KATNA1: variants seen among roughly 807,000 people sequenced by gnomAD.
KATNA1 encodes the protein katanin p60 ATPase-containing subunit A1.
A neutral mutation model predicts 62.6 loss-of-function variants in KATNA1; 42 were observed. The ratio of observed to expected loss-of-function variants is 0.67; its 90% CI spans 0.52 to 0.87. KATNA1 has a LOEUF of 0.87. Ranked by LOEUF, KATNA1 falls within the 40% of genes least tolerant of loss-of-function variation. The probability of loss-of-function intolerance (pLI) is 0.00; values close to 1 mark genes in which losing one functional copy is unlikely to be tolerated. For missense variants in KATNA1, 498 were observed against 612.5 expected (o/e 0.81, Z 1.97); for synonymous variants, 186 against 201.9 (o/e 0.92, Z 0.67).
chr6:149,607,040 G>A (rs965718896), intron 4 of KATNA1, among the ~76,000 whole-genome samples: 1 of 152,216 alleles, frequency 6.6e-6, no homozygotes, highest in African/African-American at 2.4e-5. Flanking sequence ...ATGGAGAACA[G>A]GAAAAGGACA....
chr6:149,619,064 T>C (rs765445641), intron 4 of KATNA1, among the ~76,000 whole-genome samples: 2 of 152,100 alleles, frequency 1.3e-5, no homozygotes, highest in Non-Finnish European at 2.9e-5. Flanking sequence ...GAGAAAATAT[T>C]TGCAAACTAT....
chr6:149,638,727 A>T lies in KATNA1; in HGVS notation c.-13-167T>A, dbSNP rs80258401. 393 of 241,426 alleles carry T rather than the reference A, an allele frequency of 1.6e-3. 1 individual carries two copies. Among genetic ancestry groups the T allele is most frequent in the South Asian group, 6.4e-3 (58 of 9,086 alleles). 15.0% of individuals were successfully genotyped at this position (241,426 alleles called of 1,614,324 possible). ...GCTATTTCACTCCTTTAAAAAAAAC[A>T]TTGTTTTTTTTTTTTTTTTTTTTTT... is the stretch of plus-strand genomic sequence containing the variant. On this transcript the variant is annotated intron_variant, in intron 1 of 10. Coordinates refer to ENST00000367411, the MANE Select transcript of KATNA1 (RefSeq NM_007044.4).
chr6:149,625,661 C>G (rs1262800171), intron 3 of KATNA1, among the ~76,000 whole-genome samples: 3 of 151,260 alleles, frequency 2.0e-5, no homozygotes, highest in Non-Finnish European at 4.4e-5. Flanking sequence ...AGGCTGGGTG[C>G]GGTGGCTCAC....
intron 8 of KATNA1, 65 bp from the exon 9 acceptor site, chr6:149,597,706 C>A: frequency 6.8e-7 from 1 of 1,471,884 alleles, no homozygotes; most frequent in Non-Finnish European, 9.4e-7. Context: ...TGAAGCTCAG[C>A]TATTTAAAGA....
At chr6:149,641,911 T>A (rs1333101120) in intron 1 of KATNA1, among the ~76,000 whole-genome samples, 1 of 152,198 alleles carries the variant, frequency 6.6e-6, no homozygotes, top group Non-Finnish European at 1.5e-5. Context: ...TTTTATTTTT[T>A]ATTTTTCTGG....
intron 3 of KATNA1, among the ~76,000 whole-genome samples, chr6:149,631,239 A>G (rs1779822635): frequency 6.6e-6 from 1 of 152,086 alleles, no homozygotes; most frequent in Admixed American, 6.6e-5. Flanking sequence ...CTCTACTAAA[A>G]ATACAAAAAA....
chr6:149,626,329 CTGTCGCCCAGGCG>C (rs1234402999), intron 3 of KATNA1, among the ~76,000 whole-genome samples: 1 of 89,498 alleles, frequency 1.1e-5, no homozygotes, highest in African/African-American at 4.9e-5. Context: ...GAGTCTCGTT[CTGTCGCCCAGGCG>C]GGAGTGCTGT....
intron 4 of KATNA1, among the ~76,000 whole-genome samples, chr6:149,619,932 T>C (rs1179562881): frequency 2.0e-5 from 3 of 150,342 alleles, no homozygotes; most frequent in Non-Finnish European, 2.9e-5. Flanking sequence ...TATCGACAGA[T>C]GAATGAATAA....
chr6:149,603,834 A>G (rs762783638), intron 5 of KATNA1, among the ~76,000 whole-genome samples: 1 of 152,210 alleles, frequency 6.6e-6, no homozygotes, highest in African/African-American at 2.4e-5. Flanking sequence ...AAGGTTAAAG[A>G]GTATCACAGA....
intron 3 of KATNA1, among the ~76,000 whole-genome samples, chr6:149,626,358 G>C (rs1265823823): frequency 2.2e-5 from 3 of 133,868 alleles, no homozygotes; most frequent in Non-Finnish European, 1.5e-5. Flanking sequence ...GCTGTGGCGC[G>C]ATCTCCGCTC....
At chr6:149,595,726 A>G (rs1440740285) in intron 10 of KATNA1, among the ~76,000 whole-genome samples, 1 of 152,008 alleles carries the variant, frequency 6.6e-6, no homozygotes, top group African/African-American at 2.4e-5. Flanking sequence ...TATCCTTAAT[A>G]GCAGCCACCA....
At chr6:149,642,628 T>C (rs1247331499) in intron 1 of KATNA1, among the ~76,000 whole-genome samples, 1 of 152,126 alleles carries the variant, frequency 6.6e-6, no homozygotes, top group African/African-American at 2.4e-5. Flanking sequence ...TATAGCAACA[T>C]GGATGGATCA....
At chr6:149,634,702 A>G (rs2114614954) in intron 2 of KATNA1, among the ~76,000 whole-genome samples, 1 of 152,264 alleles carries the variant, frequency 6.6e-6, no homozygotes, top group Non-Finnish European at 1.5e-5. Flanking sequence ...TGTTTAATTA[A>G]CTTTTAAAAT....
At chr6:149,628,648 C>T (rs1414830916) in intron 3 of KATNA1, among the ~76,000 whole-genome samples, 7 of 151,478 alleles carry the variant, frequency 4.6e-5, no homozygotes, top group African/African-American at 1.7e-4. Flanking sequence ...GGTGAAACCC[C>T]GTCTCTACTA....
chr6:149,642,468 T>G (rs73606766), intron 1 of KATNA1, among the ~76,000 whole-genome samples: 3,836 of 152,156 alleles, frequency 0.025, 188 homozygotes, highest in African/African-American at 0.088. Context: ...CTCACACAGA[T>G]CCACAAAGGA....
At chr6:149,607,267 A>G (rs1302113444) in intron 4 of KATNA1, among the ~76,000 whole-genome samples, 1 of 152,180 alleles carries the variant, frequency 6.6e-6, no homozygotes, top group Admixed American at 6.6e-5. Flanking sequence ...ATTTAATAGG[A>G]TTTTACTTAA....
Position 149,598,221 on chromosome 6 carries a change from T to C in KATNA1, c.1015+3A>G, listed in dbSNP as rs1778401650. 4.3e-6 allele frequency: 7 copies of C among 1,613,726 alleles called. No individual in the cohort carries two copies. Among genetic ancestry groups the C allele is most frequent in the African/African-American group, 1.3e-5 (1 of 74,878 alleles). On this transcript the variant is annotated splice_donor_region_variant and intron_variant, in intron 8 of 10. Coordinates refer to ENST00000367411, the MANE Select transcript of KATNA1 (RefSeq NM_007044.4). The stretch of plus-strand genomic sequence containing the variant: ...CTGTTCAACTCAAGCTAAACACAGA[T>C]ACCATCCATCTGAACCAGCAGCTCC...
intron 3 of KATNA1, among the ~76,000 whole-genome samples, chr6:149,628,198 C>T (rs769550557): frequency 6.0e-5 from 9 of 150,956 alleles, no homozygotes; most frequent in Non-Finnish European, 8.8e-5. Context: ...CCTGGGTTCA[C>T]GCCATTCTCC....
intron 3 of KATNA1, among the ~76,000 whole-genome samples, chr6:149,628,824 A>G (rs1779721681): frequency 6.6e-6 from 1 of 150,828 alleles, no homozygotes; most frequent in South Asian, 2.1e-4. Context: ...CATCTCAAAA[A>G]AAAAAAAGAA....
Sources: gnomAD v4.1 joint callset for allele counts (sites outside exome capture counted in the v4.1 genomes callset) on GRCh38, gnomAD v4.1.1 for gene constraint, MANE v1.5 for transcripts, NCBI Gene and HGNC (gene_info 2026-07-23, HGNC 2026-07-21) for gene names.